Variants in CASK observed in about 807,000 individuals in gnomAD.
CASK encodes the protein peripheral plasma membrane protein CASK.
A neutral mutation model predicts 82.9 loss-of-function variants in CASK; 4 were observed. The observed-to-expected ratio is 0.05, with a 90% CI of 0.02 to 0.11. The LOEUF (loss-of-function observed/expected upper bound fraction) is 0.11, where lower values mean the gene tolerates loss of function less well. Ranked by LOEUF, CASK falls within the 10% of genes least tolerant of loss-of-function variation. CASK has a pLI of 1.00. For missense variants in CASK, 358 were observed against 720.9 expected, an observed-to-expected ratio of 0.50 and a Z score of 5.76; for synonymous variants, 259 against 253.5, an observed-to-expected ratio of 1.02 and a Z score of -0.20.
At chrX:41,679,604 C>A (rs2067318807) in intron 5 of CASK, among the ~76,000 whole-genome samples, 1 of 111,417 alleles carries the variant, frequency 9.0e-6, no homozygotes, top group East Asian at 2.8e-4. Flanking sequence ...TTCTAGGCAA[C>A]CTCCAAAGGT....
chrX:41,637,325 A>G (rs908125678), intron 8 of CASK, among the ~76,000 whole-genome samples: 2 of 100,748 alleles, frequency 2.0e-5, no homozygotes, highest in African/African-American at 7.4e-5. Flanking sequence ...CTGATTCAGC[A>G]TTCTACGTTG....
chrX:41,694,339 T>C (rs1412835269), intron 5 of CASK, among the ~76,000 whole-genome samples: 1 of 111,978 alleles, frequency 8.9e-6, no homozygotes, highest in East Asian at 2.8e-4. Flanking sequence ...TTAACCCTGC[T>C]AAGTGGCTGC....
intron 22 of CASK, among the ~76,000 whole-genome samples, chrX:41,540,146 T>A (rs2147106853): frequency 9.0e-6 from 1 of 111,232 alleles, no homozygotes; most frequent in South Asian, 3.8e-4. Flanking sequence ...GCAAGGAAGG[T>A]TCTGATGCCC....
In CASK at chrX:41,783,746, A is replaced by C. The variant is rs184341191; in HGVS notation, c.278+3432T>G. Among the ~76,000 whole-genome samples the C allele has an allele frequency of 2.4e-4, 27 of 111,380 alleles. 1 individual carries two copies. The highest frequency in any genetic ancestry group is 8.5e-4 in the African/African-American group (26 of 30,701). ...CATGGAGTAAGTTTAATCATCAAAA[A>C]GGTCTTCTTTAGTTAGAGGTGACGT... On this transcript the variant is annotated intron_variant, in intron 3 of 26. Coordinates refer to ENST00000378163, the MANE Select transcript of CASK (RefSeq NM_001367721.1).
intron 6 of CASK, 119 bp downstream of exon 6, chrX:41,671,309 G>C: frequency 1.9e-6 from 1 of 518,789 alleles, no homozygotes; most frequent in Non-Finnish European, 3.5e-6. Flanking sequence ...TTTGGGAGTT[G>C]GGGTGGGGTG....
rs779152410 is a variant in CASK, at chrX:41,707,978, C to T, written c.429+31406G>A. ...ACTAAAAATACAAAAATTAGCTGGG[C>T]GTGGTGGCGCGTGCCTGTAATCCCA... On this transcript the variant is annotated intron_variant, in intron 5 of 26. Coordinates refer to ENST00000378163, the MANE Select transcript of CASK (RefSeq NM_001367721.1). Among the ~76,000 whole-genome samples the T allele has an allele frequency of 2.4e-4, 27 of 110,559 alleles. No homozygotes were observed. The East Asian group carries it at 6.8e-3, about 28-fold the overall frequency.
At position 41,699,357 on chromosome X, in the gene CASK, AG is replaced by A. The variant is rs1451152909; in HGVS notation, c.430-27828del. Among the ~76,000 whole-genome samples, 5 of 112,448 alleles carry A rather than the reference AG, an allele frequency of 4.4e-5. No homozygotes were observed. The East Asian group carries it at 1.4e-3, about 31-fold the overall frequency. On this transcript the variant is annotated intron_variant, in intron 5 of 26. Transcript: ENST00000378163. The stretch of plus-strand genomic sequence containing the variant: ...AAATTTGCAGAAAAATTAGAGGGTC[AG>A]AAAAAGGTGACAAAATTATATTAAT...
chrX:41,752,589 C>T (rs989827782), intron 3 of CASK, among the ~76,000 whole-genome samples: 3 of 111,795 alleles, frequency 2.7e-5, no homozygotes, highest in African/African-American at 9.8e-5. Flanking sequence ...CCATGCCCAG[C>T]AGAACATATT....
chrX:41,562,536 T>A (rs917066172), intron 16 of CASK: 4 of 112,115 alleles, frequency 3.6e-5, no homozygotes, highest in African/African-American at 1.3e-4. Flanking sequence ...GACTACATTC[T>A]CTGACCACAA....
intron 5 of CASK, among the ~76,000 whole-genome samples, chrX:41,693,738 G>T (rs1353447880): frequency 9.0e-6 from 1 of 111,663 alleles, no homozygotes; most frequent in African/African-American, 3.3e-5. Flanking sequence ...TGACAGACTA[G>T]ACTCAGTCCT....
intron 2 of CASK, among the ~76,000 whole-genome samples, chrX:41,798,366 C>T (rs2069909653): frequency 8.9e-6 from 1 of 112,497 alleles, no homozygotes; most frequent in African/African-American, 3.2e-5. Context: ...GATTATTTGC[C>T]TTTAATGTGT....
At chrX:41,581,148 G>C (rs749578898) in intron 14 of CASK, among the ~76,000 whole-genome samples, 1 of 111,650 alleles carries the variant, frequency 9.0e-6, no homozygotes, top group South Asian at 3.8e-4. Flanking sequence ...GGATGCCAAG[G>C]AAAGAGGACT....
chrX:41,708,088 A>C (rs2067913191), intron 5 of CASK, among the ~76,000 whole-genome samples: 1 of 103,105 alleles, frequency 9.7e-6, no homozygotes, highest in African/African-American at 3.6e-5. Flanking sequence ...ACTGCAGTCC[A>C]GCCTGGCGAC....
At chrX:41,890,065 C>A (rs2072135964) in intron 1 of CASK, among the ~76,000 whole-genome samples, 1 of 111,508 alleles carries the variant, frequency 9.0e-6, no homozygotes, top group Non-Finnish European at 1.9e-5. Flanking sequence ...CACTATAATT[C>A]ATCAAATAGA....
intron 13 of CASK, among the ~76,000 whole-genome samples, chrX:41,588,708 G>A (rs2065695851): frequency 9.5e-6 from 1 of 105,050 alleles, no homozygotes; most frequent in Admixed American, 1.0e-4. Context: ...AAAGAAAAAT[G>A]TTTATTTGCA....
At chrX:41,707,074 A>G (rs1408224293) in intron 5 of CASK, among the ~76,000 whole-genome samples, 2 of 112,294 alleles carry the variant, frequency 1.8e-5, no homozygotes, top group Non-Finnish European at 3.8e-5. Context: ...AGCACATCCA[A>G]GGAAATGTGT....
At chrX:41,825,587 G>C (rs1235298091) in intron 2 of CASK, among the ~76,000 whole-genome samples, 1 of 112,093 alleles carries the variant, frequency 8.9e-6, no homozygotes, top group African/African-American at 3.2e-5. Flanking sequence ...CTATTATGAT[G>C]AAATCAAACT....
chrX:41,879,920 T>C (rs185252667), intron 1 of CASK, among the ~76,000 whole-genome samples: 3 of 112,323 alleles, frequency 2.7e-5, no homozygotes, highest in Admixed American at 1.9e-4. Context: ...ACAAAAGACA[T>C]CACATATACT....
chrX:41,562,009 C>T (rs1456620503), intron 16 of CASK: 1 of 144,969 alleles, frequency 6.9e-6, no homozygotes. Flanking sequence ...CTCTCCATAC[C>T]TCAGTTTTCA....
Sources: allele counts gnomAD v4.1 joint callset (sites outside exome capture counted in the v4.1 genomes callset), GRCh38; gene constraint gnomAD v4.1.1; transcripts MANE v1.5; gene names NCBI Gene and HGNC (gene_info 2026-07-23, HGNC 2026-07-21).